Variants in STK39 observed in about 807,000 individuals in gnomAD.
STK39 encodes STE20/SPS1-related proline-alanine-rich protein kinase.
STK39 carries 20 observed loss-of-function variants against 77.8 expected under a neutral mutation model. The observed-to-expected ratio is 0.26, with a 90% confidence interval of 0.18 to 0.37. The LOEUF (loss-of-function observed/expected upper bound fraction) is 0.37. STK39 is among the 10% of genes least tolerant of loss of function. STK39 has a pLI of 1.00. For synonymous variants in STK39, 246 were observed against 234.1 expected (o/e 1.05, Z -0.47); for missense variants, 479 against 656.5 (o/e 0.73, Z 2.95).
chr2:167,983,514 A>AAGGAAGGAAGGAAGGAAGGAAGGG (rs1683484273), intron 16 of STK39, among the ~76,000 whole-genome samples: 1 of 143,498 alleles, frequency 7.0e-6, no homozygotes, highest in African/African-American at 2.5e-5. Flanking sequence ...GGAAGGAAGG[A>AAGGAAGGAAGGAAGGAAGGAAGGG]AATTATAGGA....
rs539152570 is a variant in STK39, at chr2:168,102,757, G to A, written c.1089+26784C>T. On this transcript the variant is annotated intron_variant, in intron 10 of 17. Transcript: ENST00000355999. Reference sequence around the variant, plus strand: ...TTCCTGGCTAACACGGTGAAACCCCGTCTCTACTAAAAATACAAAAAAAAT... The same window carrying A: ...TTCCTGGCTAACACGGTGAAACCCCATCTCTACTAAAAATACAAAAAAAAT... Among the ~76,000 whole-genome samples, 13 of 151,870 alleles carry A rather than the reference G, an allele frequency of 8.6e-5. No homozygotes were observed. In the South Asian group the frequency reaches 1.2e-3, roughly 15 times the overall value.
chr2:168,123,156 T>C (rs760469734), intron 10 of STK39, among the ~76,000 whole-genome samples: 1 of 152,170 alleles, frequency 6.6e-6, no homozygotes, highest in South Asian at 2.1e-4. Flanking sequence ...CGGAGGGACA[T>C]TCTATAAAAT....
At chr2:168,018,598 G>GAAAGAAAGAAAGAAAT (rs1342198688) in intron 14 of STK39, among the ~76,000 whole-genome samples, 3 of 149,160 alleles carry the variant, frequency 2.0e-5, no homozygotes, top group Admixed American at 6.7e-5. Context: ...AAGAAAGAAA[G>GAAAGAAAGAAAGAAAT]AAATTGCAGT....
chr2:168,011,011 T>C (rs551510230), intron 16 of STK39, among the ~76,000 whole-genome samples: 3 of 152,314 alleles, frequency 2.0e-5, no homozygotes, highest in Admixed American at 6.5e-5. Flanking sequence ...ACATATCATT[T>C]AAGGGGCTGG....
chr2:168,230,811 C>G (rs1690435219), intron 1 of STK39, among the ~76,000 whole-genome samples: 1 of 152,192 alleles, frequency 6.6e-6, no homozygotes, highest in Non-Finnish European at 1.5e-5. Context: ...GACCCCTTGT[C>G]AAGTCCTGCA....
In STK39 at chr2:168,215,314, GA is replaced by G. The variant is rs957946784; in HGVS notation, c.208+31913del. 7.2e-5 allele frequency among the ~76,000 whole-genome samples: 11 copies of G among 151,948 alleles called. No individual in the cohort carries two copies. In the East Asian group the frequency reaches 7.7e-4, roughly 11 times the overall value. ...TGATTTAATTTGATTTTACAGGGGA[GA>G]AAAAAAACGTTAGCTGGATAAGAGT... is the stretch of plus-strand genomic sequence containing the variant. On this transcript the variant is annotated intron_variant, in intron 1 of 17. Transcript: ENST00000355999.
intron 16 of STK39, among the ~76,000 whole-genome samples, chr2:167,976,504 A>G (rs1283206630): frequency 6.6e-6 from 1 of 152,168 alleles, no homozygotes; most frequent in Non-Finnish European, 1.5e-5. Context: ...GGAGAAGAGG[A>G]GCCTGAATTC....
intron 15 of STK39, among the ~76,000 whole-genome samples, chr2:168,012,912 T>C (rs1262850012): frequency 1.3e-5 from 2 of 152,256 alleles, no homozygotes; most frequent in Non-Finnish European, 2.9e-5. Context: ...ACAGAAGTTA[T>C]GCAAAATTAT....
intron 14 of STK39, among the ~76,000 whole-genome samples, chr2:168,046,935 A>T (rs555468856): frequency 1.7e-4 from 26 of 152,362 alleles, no homozygotes; most frequent in Admixed American, 3.9e-4. Context: ...AAAGGCAGTA[A>T]CTAAAGAAAC....
intron 5 of STK39, among the ~76,000 whole-genome samples, chr2:168,160,504 C>T (rs143347654): frequency 1.6e-5 from 2 of 123,872 alleles, no homozygotes; most frequent in Non-Finnish European, 3.8e-5. Flanking sequence ...CATGGTAGAA[C>T]AGCAGTTATT....
At chr2:168,096,812 T>C (rs1357564765) in intron 10 of STK39, among the ~76,000 whole-genome samples, 1 of 152,150 alleles carries the variant, frequency 6.6e-6, no homozygotes, top group African/African-American at 2.4e-5. Context: ...TGATATAATG[T>C]CTGAGTTAAA....
intron 15 of STK39, among the ~76,000 whole-genome samples, chr2:168,016,416 A>AAAAAAAAAC (rs1559058098): frequency 2.1e-5 from 3 of 145,124 alleles, no homozygotes; most frequent in Admixed American, 6.8e-5. Context: ...AAAAAAAACA[A>AAAAAAAAAC]CACTACTGAA....
At chr2:168,128,186 A>G (rs1687594786) in intron 10 of STK39, among the ~76,000 whole-genome samples, 2 of 152,202 alleles carry the variant, frequency 1.3e-5, no homozygotes, top group African/African-American at 4.8e-5. Context: ...GTGGGCCCAA[A>G]AATAAGAAAA....
intron 10 of STK39, among the ~76,000 whole-genome samples, chr2:168,129,059 T>C (rs1687615062): frequency 1.3e-5 from 2 of 152,220 alleles, no homozygotes; most frequent in African/African-American, 2.4e-5. Flanking sequence ...AGCTAATCAT[T>C]ACCATAATTC....
At chr2:167,982,276 T>C (rs1032406378) in intron 16 of STK39, among the ~76,000 whole-genome samples, 1 of 152,200 alleles carries the variant, frequency 6.6e-6, no homozygotes, top group Non-Finnish European at 1.5e-5. Context: ...AAAAAGTGCA[T>C]TCTAATAAAA....
At chr2:168,150,068 C>G (rs1517332) in intron 5 of STK39, among the ~76,000 whole-genome samples, 38,614 of 152,126 alleles carry the variant, frequency 0.25, 7,051 homozygotes, top group African/African-American at 0.5. Flanking sequence ...TCAGAATCTG[C>G]ATTGCAGCAA....
chr2:168,089,338 A>C lies in STK39; in HGVS notation c.1090-14107T>G, dbSNP rs186696394. Among the ~76,000 whole-genome samples, 26 of 152,346 alleles carry C rather than the reference A, an allele frequency of 1.7e-4. No homozygotes were observed. The East Asian group carries it at 3.9e-3, about 23-fold the overall frequency. ...GAGTTACACTGTCAGTCAAAACAGAAGTATCTAAAAATTAAAAACATACTT... is the reference window on the plus strand; with the variant it reads ...GAGTTACACTGTCAGTCAAAACAGACGTATCTAAAAATTAAAAACATACTT... On this transcript the variant is annotated intron_variant, in intron 10 of 17. Coordinates refer to ENST00000355999, the MANE Select transcript of STK39 (RefSeq NM_013233.3).
At position 168,054,223 on chromosome 2, in the gene STK39, G is replaced by A. The variant is rs533683473; in HGVS notation, c.1376+9277C>T. 2.6e-4 allele frequency among the ~76,000 whole-genome samples: 39 copies of A among 152,346 alleles called. No homozygotes were observed. The South Asian group carries it at 8.1e-3, about 32-fold the overall frequency. On this transcript the variant is annotated intron_variant, in intron 14 of 17. Coordinates refer to ENST00000355999, the MANE Select transcript of STK39 (RefSeq NM_013233.3). Reference sequence around the variant, plus strand: ...ACTGCATTCAAAACAGGACTGAATAGAGCAAGGCCACAGGGTCAGGGAAGA... The same window carrying A: ...ACTGCATTCAAAACAGGACTGAATAAAGCAAGGCCACAGGGTCAGGGAAGA...
At chr2:167,977,936 G>C (rs1683323210) in intron 16 of STK39, among the ~76,000 whole-genome samples, 1 of 152,210 alleles carries the variant, frequency 6.6e-6, no homozygotes, top group African/African-American at 2.4e-5. Context: ...GGATAATTCT[G>C]AGGAAGGGGC....
Sources: gnomAD v4.1 joint callset for allele counts (sites outside exome capture counted in the v4.1 genomes callset) on GRCh38, gnomAD v4.1.1 for gene constraint, MANE v1.5 for transcripts, NCBI Gene and HGNC (gene_info 2026-07-23, HGNC 2026-07-21) for gene names.